Variants in PCBD2 observed in about 807,000 individuals in gnomAD.
The protein encoded by PCBD2 is pterin-4-alpha-carbinolamine dehydratase 2.
A neutral mutation model predicts 16.4 loss-of-function variants in PCBD2; 12 were observed. The observed-to-expected ratio is 0.73, with a 90% CI of 0.47 to 1.19. The LOEUF is 1.19. Ranked by LOEUF, PCBD2 falls within the 50% of genes most tolerant of loss-of-function variation. The probability of loss-of-function intolerance (pLI) is 0.00; values close to 1 mark genes in which losing one functional copy is unlikely to be tolerated. For synonymous variants in PCBD2, 58 were observed against 61.8 expected, an observed-to-expected ratio of 0.94 and a Z score of 0.29; for missense variants, 138 against 156.8, an observed-to-expected ratio of 0.88 and a Z score of 0.64.
At position 134,960,776 on chromosome 5, in the gene PCBD2, CT is replaced by C. The variant is rs1561454108; in HGVS notation, c.*103del. The C allele has an allele frequency of 6.4e-5, 69 of 1,071,268 alleles. No homozygotes were observed. The highest frequency in any genetic ancestry group is 7.7e-5 in the Non-Finnish European group (56 of 725,768). The allele number at this position is 1,071,268 out of a possible 1,614,324, so 66.4% of individuals were successfully genotyped here. A position where few individuals can be genotyped will look rare whatever the true frequency, so the allele number is the denominator to read the frequency against. On this transcript the variant is annotated 3_prime_UTR_variant, in exon 4 of 4. Coordinates refer to ENST00000254908, the MANE Select transcript of PCBD2 (RefSeq NM_032151.5). ...GAACAAATAGAGTTGTTCTTTTTCT[CT>C]TTTTTTTAAGACAGAGTGTTGCTCT...
intron 2 of PCBD2, among the ~76,000 whole-genome samples, chr5:134,943,024 A>G (rs1248745454): frequency 6.6e-6 from 1 of 152,240 alleles, no homozygotes; most frequent in Non-Finnish European, 1.5e-5. Context: ...TAGTACGGTC[A>G]GTTCTGTAAC....
rs1750664867 is a variant in PCBD2 at position 134,905,147 on chromosome 5, C to CGGTGCTCGG, written c.11_19dup (p.Val4_Gly6dup). On this transcript the variant is annotated inframe_insertion, in exon 1 of 4. Coordinates refer to ENST00000254908, the MANE Select transcript of PCBD2 (RefSeq NM_032151.5). ...GCCCTCGGCAGACGGCCAATGGCGG[C>CGGTGCTCGG]GGTGCTCGGGGCGCTCGGGGCGACG... is the stretch of plus-strand genomic sequence containing the variant. 13 of 1,219,374 alleles carry CGGTGCTCGG rather than the reference C, an allele frequency of 1.1e-5. No individual in the cohort carries two copies. The highest frequency in any genetic ancestry group is 3.3e-5 in the East Asian group (1 of 30,474). 75.5% of individuals were successfully genotyped at this position (1,219,374 alleles called of 1,614,324 possible). A position where few individuals can be genotyped will look rare whatever the true frequency, so the allele number is the denominator to read the frequency against.
At chr5:134,914,075 G>C (rs1286394129) in intron 2 of PCBD2, among the ~76,000 whole-genome samples, 6 of 152,286 alleles carry the variant, frequency 3.9e-5, no homozygotes, top group African/African-American at 1.2e-4. Flanking sequence ...ACAGCAGTTT[G>C]TGAGTTGTCA....
At chr5:134,927,167 T>C (rs1300256735) in intron 2 of PCBD2, 1 of 398,462 alleles carries the variant, frequency 2.5e-6, no homozygotes, top group African/African-American at 2.1e-5. Context: ...TGTGGCTGAT[T>C]GAAGAGTATG....
intron 3 of PCBD2, among the ~76,000 whole-genome samples, chr5:134,960,234 G>A (rs1378958114): frequency 6.6e-6 from 1 of 152,074 alleles, no homozygotes; most frequent in Admixed American, 6.6e-5. Context: ...TTTCTCAGTG[G>A]CCTGAAAATA....
At chr5:134,927,034 C>T (rs774850051) in intron 2 of PCBD2, 4 of 398,288 alleles carry the variant, frequency 1.0e-5, no homozygotes, top group Non-Finnish European at 1.8e-5. Context: ...TGGGTACGTT[C>T]GTAGTTTGAG....
chr5:134,935,659 C>T (rs1046831195), intron 2 of PCBD2, among the ~76,000 whole-genome samples: 1 of 152,284 alleles, frequency 6.6e-6, no homozygotes, highest in Admixed American at 6.5e-5. Flanking sequence ...TAAAATTTAG[C>T]TAGCAGTCCA....
At chr5:134,905,370 G>A in intron 1 of PCBD2, 147 bp downstream of exon 1, 1 of 629,368 alleles carries the variant, frequency 1.6e-6, no homozygotes, top group Non-Finnish European at 2.2e-6. Context: ...CCGCGTCCCG[G>A]GACTGACCAC....
At chr5:134,942,023 G>T (rs1751235538) in intron 2 of PCBD2, among the ~76,000 whole-genome samples, 2 of 135,094 alleles carry the variant, frequency 1.5e-5, no homozygotes, top group African/African-American at 6.7e-5. Context: ...CCAGCTACTT[G>T]GGGGGGCTGA....
At chr5:134,912,526 A>G (rs1318786273) in intron 2 of PCBD2, among the ~76,000 whole-genome samples, 1 of 152,070 alleles carries the variant, frequency 6.6e-6, no homozygotes, top group African/African-American at 2.4e-5. Flanking sequence ...GAAATGGGCA[A>G]CTCTGTCATT....
chr5:134,915,056 T>C (rs1750812165), intron 2 of PCBD2, among the ~76,000 whole-genome samples: 1 of 152,098 alleles, frequency 6.6e-6, no homozygotes, highest in Non-Finnish European at 1.5e-5. Flanking sequence ...GTGGCTCACA[T>C]CTGTAATCCC....
chr5:134,940,904 T>G (rs1751218515), intron 2 of PCBD2, among the ~76,000 whole-genome samples: 1 of 151,818 alleles, frequency 6.6e-6, no homozygotes, highest in South Asian at 2.1e-4. Flanking sequence ...CCGAGGAAGG[T>G]GGATCATGAG....
intron 2 of PCBD2, among the ~76,000 whole-genome samples, chr5:134,948,361 T>C (rs1344489517): frequency 6.6e-6 from 1 of 152,204 alleles, no homozygotes; most frequent in Non-Finnish European, 1.5e-5. Context: ...ATACATCAGC[T>C]GTGTGAACTC....
chr5:134,916,025 A>T (rs1468599573), intron 2 of PCBD2, among the ~76,000 whole-genome samples: 1 of 152,200 alleles, frequency 6.6e-6, no homozygotes, highest in Non-Finnish European at 1.5e-5. Context: ...ACGATGGCTC[A>T]CGCCTGTAAT....
At chr5:134,927,576 AG>A (rs996713934) in intron 2 of PCBD2, 4 of 396,828 alleles carry the variant, frequency 1.0e-5, no homozygotes, top group African/African-American at 6.3e-5. Context: ...GGAGCCTACT[AG>A]GGTGTAGAAT....
chr5:134,906,115 C>A (rs1299909640), intron 1 of PCBD2, among the ~76,000 whole-genome samples: 1 of 151,216 alleles, frequency 6.6e-6, no homozygotes, highest in Non-Finnish European at 1.5e-5. Flanking sequence ...CTCAGGTGAT[C>A]TACCTGCCTC....
At chr5:134,952,190 T>C (rs1751366534) in intron 2 of PCBD2, among the ~76,000 whole-genome samples, 2 of 151,588 alleles carry the variant, frequency 1.3e-5, no homozygotes, top group Non-Finnish European at 2.9e-5. Context: ...TTGACTTTAA[T>C]GGGAATTCTA....
chr5:134,939,758 A>T (rs1431673608), intron 2 of PCBD2, among the ~76,000 whole-genome samples: 1 of 152,174 alleles, frequency 6.6e-6, no homozygotes, highest in Non-Finnish European at 1.5e-5. Context: ...TGGACACTTA[A>T]CTACCTTAAA....
At chr5:134,915,876 A>T (rs764647784) in intron 2 of PCBD2, among the ~76,000 whole-genome samples, 1 of 152,158 alleles carries the variant, frequency 6.6e-6, no homozygotes, top group Non-Finnish European at 1.5e-5. Context: ...CCATATACTC[A>T]TAGCAATGGC....
Sources: allele counts gnomAD v4.1 joint callset (sites outside exome capture counted in the v4.1 genomes callset), GRCh38; gene constraint gnomAD v4.1.1; transcripts MANE v1.5; gene names NCBI Gene and HGNC (gene_info 2026-07-23, HGNC 2026-07-21).